The following MAP4K3 variants were observed in gnomAD, a reference collection of about 807,000 sequenced individuals.
The protein encoded by MAP4K3 is mitogen-activated protein kinase kinase kinase kinase 3, also known as MAPK/ERK kinase kinase kinase 3.
MAP4K3 carries 94 observed loss-of-function variants against 143.5 expected under a neutral mutation model. The ratio of observed to expected loss-of-function variants is 0.65; its 90% confidence interval spans 0.55 to 0.78. The LOEUF is 0.78. MAP4K3 is among the 30% of genes least tolerant of loss of function. The probability of loss-of-function intolerance (pLI) is 0.00; values close to 1 mark genes in which losing one functional copy is unlikely to be tolerated. For missense variants in MAP4K3, 1,077 were observed against 1,068.1 expected, an observed-to-expected ratio of 1.01 and a Z score of -0.12; for synonymous variants, 416 against 347.2, an observed-to-expected ratio of 1.20 and a Z score of -2.20.
intron 28 of MAP4K3, among the ~76,000 whole-genome samples, chr2:39,262,414 T>C (rs568770059): frequency 1.2e-3 from 179 of 152,344 alleles, no homozygotes; most frequent in Non-Finnish European, 9.0e-4. Flanking sequence ...GGGCACATGC[T>C]TTTGATAAAA....
chr2:39,420,999 T>C (rs989542877), intron 1 of MAP4K3, among the ~76,000 whole-genome samples: 9 of 152,164 alleles, frequency 5.9e-5, no homozygotes, highest in Non-Finnish European at 1.2e-4. Flanking sequence ...TCCCCTGTCA[T>C]TAATCTAATT....
At chr2:39,267,476 G>T in intron 26 of MAP4K3, 1 of 444,004 alleles carries the variant, frequency 2.3e-6, no homozygotes, top group Admixed American at 3.4e-5. Context: ...TTCGAGACCA[G>T]CCTGGCCAAC....
chr2:39,315,658 T>A (rs1056705061), intron 12 of MAP4K3: 1 of 396,452 alleles, frequency 2.5e-6, no homozygotes, highest in Non-Finnish European at 4.6e-6. Context: ...TTAAACACAA[T>A]TAGTAACATA....
rs943735616 is a variant in MAP4K3 at position 39,437,110 on chromosome 2, T to C, written c.-123A>G. On this transcript the variant is annotated 5_prime_UTR_variant, in exon 1 of 34. Coordinates refer to ENST00000263881, the MANE Select transcript of MAP4K3 (RefSeq NM_003618.4). ...CCCCCGGCGGTCACAATCACCCGGC[T>C]CCACGCTGCGGCCGCCGCCGCCGCC... 28 of 587,092 alleles carry C rather than the reference T, an allele frequency of 4.8e-5. No individual in the cohort carries two copies. In the African/African-American group the frequency reaches 5.5e-4, roughly 11 times the overall value. The allele number at this position is 587,092 out of a possible 1,614,324, so 36.4% of individuals were successfully genotyped here. A position where few individuals can be genotyped will look rare whatever the true frequency, so the allele number is the denominator to read the frequency against.
chr2:39,289,500 G>A (rs1012005731), intron 19 of MAP4K3, among the ~76,000 whole-genome samples: 29 of 151,878 alleles, frequency 1.9e-4, no homozygotes, highest in Non-Finnish European at 3.4e-4. Flanking sequence ...CAACCCATCA[G>A]TTGAAATTAC....
intron 21 of MAP4K3, among the ~76,000 whole-genome samples, chr2:39,285,744 A>G (rs1399111404): frequency 1.3e-5 from 2 of 152,222 alleles, no homozygotes; most frequent in African/African-American, 2.4e-5. Context: ...TTTCTATAAA[A>G]ATAACAAATA....
At chr2:39,360,851 CCA>C (rs547556407) in intron 2 of MAP4K3, among the ~76,000 whole-genome samples, 8 of 152,200 alleles carry the variant, frequency 5.3e-5, no homozygotes, top group African/African-American at 1.9e-4. Context: ...CAATTACCTC[CCA>C]CAAAGTCCCT....
At chr2:39,287,021 A>G (rs1681811000) in intron 20 of MAP4K3, 57 bp from the exon 21 acceptor site, 1 of 1,098,648 alleles carries the variant, frequency 9.1e-7, no homozygotes, top group East Asian at 2.4e-5. Flanking sequence ...TTTTATTCAG[A>G]AAGTTATCAA....
intron 2 of MAP4K3, among the ~76,000 whole-genome samples, chr2:39,370,308 G>A (rs1049134926): frequency 6.6e-6 from 1 of 152,174 alleles, no homozygotes; most frequent in African/African-American, 2.4e-5. Context: ...CATGAATGAT[G>A]TAACAACTAC....
rs550510130 is a variant in MAP4K3 at position 39,269,809 on chromosome 2, C to T, written c.1973+2474G>A. On this transcript the variant is annotated intron_variant, in intron 26 of 33. Transcript: ENST00000263881. ...ATGGCAATCTAGAATATTCTGATTACGATTTTCTGGTTAAAACACCTCATT... is the reference window on the plus strand; with the variant it reads ...ATGGCAATCTAGAATATTCTGATTATGATTTTCTGGTTAAAACACCTCATT... Among the ~76,000 whole-genome samples, 34 of 152,188 alleles carry T rather than the reference C, an allele frequency of 2.2e-4. No individual in the cohort carries two copies. The Middle Eastern group carries it at 0.01, about 46-fold the overall frequency.
At chr2:39,434,587 G>A (rs922269999) in intron 1 of MAP4K3, among the ~76,000 whole-genome samples, 1 of 152,194 alleles carries the variant, frequency 6.6e-6, no homozygotes, top group Non-Finnish European at 1.5e-5. Flanking sequence ...CTAAATGTGT[G>A]CCTCAGTTTC....
chr2:39,345,301 G>A (rs1665255617), intron 3 of MAP4K3, among the ~76,000 whole-genome samples: 1 of 151,924 alleles, frequency 6.6e-6, no homozygotes, highest in Non-Finnish European at 1.5e-5. Flanking sequence ...AGGGGGTCGG[G>A]GGGAAGGTGC....
At chr2:39,328,994 A>C (rs1683596805) in intron 8 of MAP4K3, among the ~76,000 whole-genome samples, 1 of 152,174 alleles carries the variant, frequency 6.6e-6, no homozygotes, top group Admixed American at 6.5e-5. Context: ...AGAGGTTCTA[A>C]AGTTTTAGAT....
Position 39,437,024 on chromosome 2 carries a change from A to T in MAP4K3, c.-37T>A, listed in dbSNP as rs61140753. The T allele has an allele frequency of 5.1e-4, 791 of 1,545,200 alleles. 5 individuals are homozygous for T. The African/African-American group carries it at 0.01, about 20-fold the overall frequency. On this transcript the variant is annotated 5_prime_UTR_variant, in exon 1 of 34. Transcript: ENST00000263881. The stretch of plus-strand genomic sequence containing the variant: ...GGTGCCCCCCGCCTCCCTCCCGGGC[A>T]GGGGAGGGGGGCCGCTCAGGGGGCC...
chr2:39,263,376 C>A (rs1359935529), intron 28 of MAP4K3, among the ~76,000 whole-genome samples: 1 of 149,986 alleles, frequency 6.7e-6, no homozygotes, highest in Non-Finnish European at 1.5e-5. Context: ...GGGTTCAGGC[C>A]ATTCTCCTGC....
intron 3 of MAP4K3, among the ~76,000 whole-genome samples, chr2:39,344,049 G>A (rs967999238): frequency 1.3e-5 from 2 of 152,128 alleles, no homozygotes; most frequent in Admixed American, 6.5e-5. Context: ...TCTTAAAAAT[G>A]TACCAGGAAA....
intron 3 of MAP4K3, among the ~76,000 whole-genome samples, chr2:39,350,279 A>T (rs1012075401): frequency 6.6e-6 from 1 of 152,228 alleles, no homozygotes; most frequent in Admixed American, 6.5e-5. Context: ...AAACTGATAA[A>T]ATCCAAATAA....
At chr2:39,304,683 T>C (rs1369990718) in intron 15 of MAP4K3, among the ~76,000 whole-genome samples, 4 of 152,098 alleles carry the variant, frequency 2.6e-5, no homozygotes, top group Non-Finnish European at 5.9e-5. Context: ...AAATTAAAGA[T>C]AGAACTACAA....
chr2:39,364,112 T>C (rs1665854946), intron 2 of MAP4K3, among the ~76,000 whole-genome samples: 1 of 151,992 alleles, frequency 6.6e-6, no homozygotes, highest in Admixed American at 6.6e-5. Context: ...CAGAAGTTCC[T>C]CTAAATATTA....
Sources: gnomAD v4.1 joint callset for allele counts (sites outside exome capture counted in the v4.1 genomes callset) on GRCh38, gnomAD v4.1.1 for gene constraint, MANE v1.5 for transcripts, NCBI Gene and HGNC (gene_info 2026-07-23, HGNC 2026-07-21) for gene names.